The following PLCZ1 variants were observed in gnomAD, a reference collection of about 807,000 sequenced individuals.
PLCZ1 encodes phospholipase C zeta 1, also known as 1-phosphatidylinositol 4,5-bisphosphate phosphodiesterase zeta-1.
A neutral mutation model predicts 76.8 loss-of-function variants in PLCZ1; 64 were observed. The observed-to-expected ratio is 0.83, with a 90% CI of 0.68 to 1.03. The LOEUF (loss-of-function observed/expected upper bound fraction) is 1.03. Ranked by LOEUF, PLCZ1 falls within the 50% of genes least tolerant of loss-of-function variation. The pLI is 0.00. For synonymous variants in PLCZ1, 248 were observed against 230.8 expected (o/e 1.07, Z -0.68); for missense variants, 751 against 713.7 (o/e 1.05, Z -0.60).
At chr12:18,686,276 C>A (rs1953137855) in intron 13 of PLCZ1, among the ~76,000 whole-genome samples, 1 of 152,018 alleles carries the variant, frequency 6.6e-6, no homozygotes, top group South Asian at 2.1e-4. Flanking sequence ...ACCTAACACT[C>A]AACTCTGTTA....
intron 11 of PLCZ1, among the ~76,000 whole-genome samples, chr12:18,695,807 C>G (rs1954896681): frequency 6.6e-6 from 1 of 152,122 alleles, no homozygotes; most frequent in African/African-American, 2.4e-5. Context: ...ATAGAGGTCA[C>G]TTGATTTGAA....
At chr12:18,693,722 T>C in intron 12 of PLCZ1, 2 of 1,547,022 alleles carry the variant, frequency 1.3e-6, no homozygotes, top group Admixed American at 1.7e-5. Flanking sequence ...GCTGAACCAG[T>C]TGGATGGATT....
chr12:18,735,243 G>C (rs1260036682), intron 3 of PLCZ1, among the ~76,000 whole-genome samples: 2 of 152,124 alleles, frequency 1.3e-5, no homozygotes, highest in Non-Finnish European at 2.9e-5. Context: ...TCCAGCTTTG[G>C]TATCCAGATG....
chr12:18,675,907 T>G, the PLCZ1 span, among the ~76,000 whole-genome samples: 2 of 152,064 alleles, frequency 1.3e-5, no homozygotes, highest in African/African-American at 4.8e-5. Context: ...TTTTACTTTT[T>G]GGGTACAATG....
At chr12:18,671,554 A>C in the PLCZ1 span, among the ~76,000 whole-genome samples, 1 of 152,314 alleles carries the variant, frequency 6.6e-6, no homozygotes, top group African/African-American at 2.4e-5. Flanking sequence ...TCAATTAAAA[A>C]TGAAACAAAA....
the PLCZ1 span, among the ~76,000 whole-genome samples, chr12:18,650,702 G>GTATATATC: frequency 7.2e-5 from 2 of 27,694 alleles, no homozygotes; most frequent in Non-Finnish European, 2.3e-4. Flanking sequence ...GTGTGTGTGT[G>GTATATATC]TGTATATATC....
At chr12:18,688,308 T>C in intron 12 of PLCZ1, 90 bp from the exon 13 acceptor site, 1 of 1,362,246 alleles carries the variant, frequency 7.3e-7, no homozygotes, top group Admixed American at 2.0e-5. Flanking sequence ...TTACAAAAAG[T>C]TGATGGACTC....
chr12:18,716,705 T>C (rs1315026607), intron 5 of PLCZ1, among the ~76,000 whole-genome samples: 1 of 152,232 alleles, frequency 6.6e-6, no homozygotes, highest in Non-Finnish European at 1.5e-5. Context: ...CTTAACTTTA[T>C]TTCATCTATT....
the PLCZ1 span, among the ~76,000 whole-genome samples, chr12:18,658,892 T>C: frequency 4.6e-5 from 7 of 152,304 alleles, no homozygotes; most frequent in African/African-American, 1.4e-4. Context: ...ATGAAACCTG[T>C]AAAAATGAGA....
chr12:18,689,699 T>C (rs960347216), intron 12 of PLCZ1, among the ~76,000 whole-genome samples: 2 of 152,180 alleles, frequency 1.3e-5, no homozygotes, highest in African/African-American at 4.8e-5. Flanking sequence ...CCATAAGATT[T>C]TGGATTTAGA....
chr12:18,708,322 C>A (rs1406185215), intron 6 of PLCZ1, among the ~76,000 whole-genome samples: 1 of 152,156 alleles, frequency 6.6e-6, no homozygotes, highest in East Asian at 1.9e-4. Flanking sequence ...TGTCCTCACT[C>A]ATGCTGTGGT....
the PLCZ1 span, among the ~76,000 whole-genome samples, chr12:18,664,092 GACAA>G: frequency 3.3e-5 from 5 of 152,010 alleles, no homozygotes; most frequent in South Asian, 2.1e-4. Flanking sequence ...AACCAAACCA[GACAA>G]ACAAACAAAG....
chr12:18,705,440 A>G lies in PLCZ1; in HGVS notation c.715-125T>C, dbSNP rs938857386. 1.8e-5 allele frequency: 20 copies of G among 1,130,538 alleles called. No individual in the cohort carries two copies. The Admixed American group carries it at 3.9e-4, about 22-fold the overall frequency. The allele number at this position is 1,130,538 out of a possible 1,614,324, so 70.0% of individuals were successfully genotyped here. The stretch of plus-strand genomic sequence containing the variant: ...CGTTTAGTACCTTTGCAAAATAACT[A>G]TTCTTTAAACTGAAAGTACTTTTGA... On this transcript the variant is annotated intron_variant, in intron 6 of 14. Transcript: ENST00000266505.
At chr12:18,704,839 C>G in intron 7 of PLCZ1, among the ~76,000 whole-genome samples, 1 of 152,020 alleles carries the variant, frequency 6.6e-6, no homozygotes, top group Non-Finnish European at 1.5e-5. Context: ...TAGTCTAGAA[C>G]TTTTGCCACT....
chr12:18,650,321 C>CTATATATA, the PLCZ1 span, among the ~76,000 whole-genome samples: 2 of 87,754 alleles, frequency 2.3e-5, no homozygotes. Context: ...CTCTCTCTCT[C>CTATATATA]TCTCTCTCTC....
At chr12:18,668,483 C>A in the PLCZ1 span, among the ~76,000 whole-genome samples, 1 of 152,156 alleles carries the variant, frequency 6.6e-6, no homozygotes, top group Non-Finnish European at 1.5e-5. Context: ...ACTGCAGGGA[C>A]CACTAACCTG....
chr12:18,666,588 GAAGA>G, the PLCZ1 span, among the ~76,000 whole-genome samples: 1 of 152,014 alleles, frequency 6.6e-6, no homozygotes, highest in Non-Finnish European at 1.5e-5. Flanking sequence ...TGACAGAATT[GAAGA>G]AAGAAACAGA....
At chr12:18,650,293 TTCTCTCTCTCTCTCTCTCTC>T in the PLCZ1 span, among the ~76,000 whole-genome samples, 35 of 87,736 alleles carry the variant, frequency 4.0e-4, no homozygotes, top group South Asian at 1.1e-3. Context: ...TAACCCAAAT[TTCTCTCTCTCTCTCTCTCTC>T]TCTCTCTCTC....
Position 18,688,074 on chromosome 12 carries a change from A to G in PLCZ1, c.1591+15T>C. On this transcript the variant is annotated intron_variant, in intron 13 of 14. Coordinates refer to ENST00000266505, the MANE Select transcript of PLCZ1 (RefSeq NM_033123.4). Reference sequence around the variant, plus strand: ...AAGTCTAATGGAAATTCAATAAGGTATATCAGGAGCTCACCATTTTTTTTA... The same window carrying G: ...AAGTCTAATGGAAATTCAATAAGGTGTATCAGGAGCTCACCATTTTTTTTA... 1.2e-6 allele frequency: 2 copies of G among 1,609,682 alleles called. No individual in the cohort carries two copies. The highest frequency in any genetic ancestry group is 3.3e-4 in the Middle Eastern group (2 of 6,042).
Sources: gnomAD v4.1 joint callset for allele counts (sites outside exome capture counted in the v4.1 genomes callset) on GRCh38, gnomAD v4.1.1 for gene constraint, MANE v1.5 for transcripts, NCBI Gene and HGNC (gene_info 2026-07-23, HGNC 2026-07-21) for gene names.